The following GRB10 variants were observed in gnomAD, a reference collection of about 807,000 sequenced individuals.
GRB10 encodes growth factor receptor bound protein 10.
Under a neutral mutation model 80.9 loss-of-function variants are expected in GRB10, and 20 were observed. The ratio of observed to expected loss-of-function variants is 0.25; its 90% CI spans 0.17 to 0.36. The LOEUF (loss-of-function observed/expected upper bound fraction) is 0.36, where lower values mean the gene tolerates loss of function less well. GRB10 is among the 10% of genes least tolerant of loss of function. GRB10 has a pLI of 1.00. For missense variants in GRB10, 548 were observed against 747.7 expected, an observed-to-expected ratio of 0.73 and a Z score of 3.12; for synonymous variants, 291 against 291.5, an observed-to-expected ratio of 1.00 and a Z score of 0.02.
intron 7 of GRB10, among the ~76,000 whole-genome samples, chr7:50,660,858 G>A (rs73114889): frequency 0.087 from 13,304 of 152,086 alleles, 890 homozygotes; most frequent in Non-Finnish European, 0.11. Context: ...CAAGGCCCTG[G>A]GGGCTGCAGA....
chr7:50,767,117 G>A (rs796507124), intron 2 of GRB10, among the ~76,000 whole-genome samples: 5 of 152,286 alleles, frequency 3.3e-5, no homozygotes, highest in African/African-American at 1.2e-4. Context: ...TTTAATGAGT[G>A]TGCATGATCT....
intron 4 of GRB10, among the ~76,000 whole-genome samples, chr7:50,709,711 G>A (rs917386905): frequency 9.2e-5 from 14 of 152,198 alleles, no homozygotes; most frequent in Admixed American, 2.0e-4. Context: ...AAAGTGACTC[G>A]TGGGAGGAAG....
intron 7 of GRB10, among the ~76,000 whole-genome samples, chr7:50,630,746 A>G (rs78508245): frequency 8.3e-4 from 126 of 152,356 alleles, no homozygotes; most frequent in Non-Finnish European, 1.6e-3. Flanking sequence ...AAGAGGGCAT[A>G]ATTATGTCAA....
chr7:50,603,406 T>G (rs2047960176), intron 17 of GRB10, among the ~76,000 whole-genome samples: 1 of 152,168 alleles, frequency 6.6e-6, no homozygotes, highest in Admixed American at 6.5e-5. Context: ...GTAGTGGGGT[T>G]TAACCTCTCT....
chr7:50,772,539 T>C (rs2153709826), intron 2 of GRB10, among the ~76,000 whole-genome samples: 1 of 152,358 alleles, frequency 6.6e-6, no homozygotes, highest in Middle Eastern at 3.4e-3. Flanking sequence ...TTCTTGCTTT[T>C]GTCACTTCTA....
intron 4 of GRB10, chr7:50,705,106 T>A (rs780907510): frequency 1.4e-4 from 132 of 977,682 alleles, no homozygotes; most frequent in Non-Finnish European, 1.5e-4. Flanking sequence ...TGAAATGGGA[T>A]GGATGCTCAC....
intron 7 of GRB10, among the ~76,000 whole-genome samples, chr7:50,641,542 G>GTGGCC (rs2056272815): frequency 6.6e-6 from 1 of 152,194 alleles, no homozygotes; most frequent in Admixed American, 6.5e-5. Context: ...CTTTCTTCAG[G>GTGGCC]CCAGAGGCCA....
At chr7:50,656,598 G>A (rs1017299597) in intron 7 of GRB10, among the ~76,000 whole-genome samples, 19 of 152,200 alleles carry the variant, frequency 1.2e-4, no homozygotes, top group Non-Finnish European at 5.9e-5. Flanking sequence ...GCGGTATTCT[G>A]AAGACACAAA....
intron 7 of GRB10, among the ~76,000 whole-genome samples, chr7:50,637,569 C>T (rs1302515447): frequency 6.6e-6 from 1 of 152,158 alleles, no homozygotes; most frequent in Non-Finnish European, 1.5e-5. Context: ...AATGGAAACA[C>T]ATCTCATGCT....
intron 3 of GRB10, among the ~76,000 whole-genome samples, chr7:50,735,444 T>C (rs2153694158): frequency 6.6e-6 from 1 of 152,016 alleles, no homozygotes; most frequent in East Asian, 1.9e-4. Flanking sequence ...GAGCTGAGGG[T>C]GTGTGAAGGG....
intron 8 of GRB10, 122 bp downstream of exon 8, chr7:50,626,700 A>G (rs1402236970): frequency 9.1e-7 from 1 of 1,102,140 alleles, no homozygotes; most frequent in Non-Finnish European, 1.4e-6. Flanking sequence ...GGGAACCCAG[A>G]GACTGCCTGC....
chr7:50,649,993 G>A (rs1476866579), intron 7 of GRB10, among the ~76,000 whole-genome samples: 2 of 152,302 alleles, frequency 1.3e-5, no homozygotes, highest in Admixed American at 1.3e-4. Context: ...TGAGCAGAGA[G>A]ATGGCATCTG....
intron 17 of GRB10, among the ~76,000 whole-genome samples, chr7:50,596,115 G>A (rs1356912920): frequency 6.6e-6 from 1 of 152,174 alleles, no homozygotes; most frequent in Non-Finnish European, 1.5e-5. Flanking sequence ...AACAATTAAC[G>A]AAGGAGGGGG....
chr7:50,750,631 G>A (rs1168215183), intron 3 of GRB10, among the ~76,000 whole-genome samples: 2 of 152,196 alleles, frequency 1.3e-5, no homozygotes, highest in Middle Eastern at 3.2e-3. Context: ...ATATAGATGA[G>A]TATCACGCTT....
chr7:50,615,997 T>C (rs2050563573), intron 11 of GRB10, among the ~76,000 whole-genome samples: 1 of 152,174 alleles, frequency 6.6e-6, no homozygotes, highest in African/African-American at 2.4e-5. Context: ...GTGGGGTTCT[T>C]AGGCCTGTAT....
At chr7:50,683,119 C>T (rs2061722409) in intron 5 of GRB10, among the ~76,000 whole-genome samples, 1 of 152,162 alleles carries the variant, frequency 6.6e-6, no homozygotes, top group Non-Finnish European at 1.5e-5. Context: ...GGCACATATA[C>T]ACACAATGGA....
At chr7:50,693,724 T>C (rs931449014) in intron 5 of GRB10, among the ~76,000 whole-genome samples, 1 of 151,990 alleles carries the variant, frequency 6.6e-6, no homozygotes, top group African/African-American at 2.4e-5. Flanking sequence ...AAAGGCATGA[T>C]GAATGTGTGT....
At chr7:50,707,040 ATT>A in intron 4 of GRB10, among the ~76,000 whole-genome samples, 1 of 152,224 alleles carries the variant, frequency 6.6e-6, no homozygotes, top group African/African-American at 2.4e-5. Flanking sequence ...TTTAAATTTA[ATT>A]ATACTTTTGA....
chr7:50,692,007 T>C (rs1267125515), intron 5 of GRB10, among the ~76,000 whole-genome samples: 3 of 152,228 alleles, frequency 2.0e-5, no homozygotes, highest in Admixed American at 1.3e-4. Flanking sequence ...TATCCACAGA[T>C]TTAACCAATT....
Sources: allele counts gnomAD v4.1 joint callset (sites outside exome capture counted in the v4.1 genomes callset), GRCh38; gene constraint gnomAD v4.1.1; transcripts MANE v1.5; gene names NCBI Gene and HGNC (gene_info 2026-07-23, HGNC 2026-07-21).